Variants in SLIT3 observed in about 807,000 individuals in gnomAD.
SLIT3 encodes the protein slit homolog 3 protein.
Under a neutral mutation model 184.0 loss-of-function variants are expected in SLIT3, and 68 were observed. The observed-to-expected ratio is 0.37, with a 90% CI of 0.30 to 0.45. SLIT3 has a LOEUF of 0.45. Ranked by LOEUF, SLIT3 falls within the 20% of genes least tolerant of loss-of-function variation. The pLI is 1.00. For synonymous variants in SLIT3, 831 were observed against 828.6 expected, an observed-to-expected ratio of 1.00 and a Z score of -0.05; for missense variants, 1,707 against 2,026.0, an observed-to-expected ratio of 0.84 and a Z score of 3.02.
At chr5:168,890,753 G>A (rs1760424629) in intron 4 of SLIT3, among the ~76,000 whole-genome samples, 1 of 152,188 alleles carries the variant, frequency 6.6e-6, no homozygotes, top group African/African-American at 2.4e-5. Context: ...ATAAGTACAA[G>A]GGAGTTTCAT....
intron 32 of SLIT3, among the ~76,000 whole-genome samples, chr5:168,676,052 A>G (rs1761399707): frequency 6.6e-6 from 1 of 150,826 alleles, no homozygotes; most frequent in Admixed American, 6.6e-5. Flanking sequence ...TACCCTCTTC[A>G]TCCATTCATC....
intron 4 of SLIT3, among the ~76,000 whole-genome samples, chr5:169,153,004 CA>C (rs1203409829): frequency 6.6e-6 from 1 of 152,228 alleles, no homozygotes; most frequent in African/African-American, 2.4e-5. Flanking sequence ...AGGTTAAAAG[CA>C]TTCTAAAAAT....
Position 168,662,165 on chromosome 5 carries a change from T to C in SLIT3, c.*4289A>G, listed in dbSNP as rs1431276904. The C allele has an allele frequency of 6.6e-6, 1 of 152,234 alleles. No homozygotes were observed. The highest frequency in any genetic ancestry group is 1.5e-5 in the Non-Finnish European group (1 of 68,056). 9.4% of individuals were successfully genotyped at this position (152,234 alleles called of 1,614,324 possible). On this transcript the variant is annotated 3_prime_UTR_variant, in exon 36 of 36. Transcript: ENST00000519560. ...TTTGGCCTGGGTGGACACATGGGGT[T>C]AATTATCTGTGTGTCTTTGGTCTAT...
At chr5:169,189,647 C>A (rs1472952570) in intron 4 of SLIT3, among the ~76,000 whole-genome samples, 2 of 146,774 alleles carry the variant, frequency 1.4e-5, no homozygotes. Flanking sequence ...GAGGCTTAGG[C>A]AGGGAACTCC....
At chr5:168,749,978 T>A (rs919638550) in intron 18 of SLIT3, among the ~76,000 whole-genome samples, 3 of 152,174 alleles carry the variant, frequency 2.0e-5, no homozygotes, top group Non-Finnish European at 2.9e-5. Flanking sequence ...CTTCTTCTCA[T>A]TCTTTAGTCC....
At chr5:169,232,345 C>T (rs1765035061) in intron 3 of SLIT3, among the ~76,000 whole-genome samples, 1 of 152,120 alleles carries the variant, frequency 6.6e-6, no homozygotes, top group Non-Finnish European at 1.5e-5. Flanking sequence ...CTGCCTCAGC[C>T]TCCCAAGTAG....
chr5:168,981,444 A>T (rs895472782), intron 4 of SLIT3, among the ~76,000 whole-genome samples: 19 of 152,150 alleles, frequency 1.2e-4, no homozygotes, highest in Non-Finnish European at 5.9e-5. Flanking sequence ...CCTCTTCCTA[A>T]GCAGTAGCAC....
At chr5:169,129,832 TTG>T (rs1761231432) in intron 4 of SLIT3, among the ~76,000 whole-genome samples, 1 of 144,608 alleles carries the variant, frequency 6.9e-6, no homozygotes, top group African/African-American at 2.5e-5. Flanking sequence ...TTTTTTTTGT[TTG>T]TTTGTTTGTT....
chr5:168,737,072 G>A (rs6890724), intron 20 of SLIT3, among the ~76,000 whole-genome samples: 81,506 of 151,880 alleles, frequency 0.54, 22,298 homozygotes, highest in East Asian at 0.77. Flanking sequence ...TGTAGCATAG[G>A]CAGGACATTC....
intron 4 of SLIT3, among the ~76,000 whole-genome samples, chr5:168,911,095 CCT>C (rs1411090002): frequency 1.3e-5 from 2 of 152,148 alleles, no homozygotes; most frequent in Non-Finnish European, 2.9e-5. Flanking sequence ...ATGCCAGCCT[CCT>C]CTCTCTGCCT....
At chr5:168,733,054 T>C (rs1444387009) in intron 20 of SLIT3, among the ~76,000 whole-genome samples, 1 of 151,758 alleles carries the variant, frequency 6.6e-6, no homozygotes, top group East Asian at 1.9e-4. Flanking sequence ...TTTTAAACTA[T>C]GCCTAAACAA....
At chr5:169,243,461 T>G (rs1231234712) in intron 3 of SLIT3, among the ~76,000 whole-genome samples, 1 of 152,132 alleles carries the variant, frequency 6.6e-6, no homozygotes, top group Admixed American at 6.5e-5. Context: ...TTGCAAGAAA[T>G]AAATGTCATA....
intron 4 of SLIT3, among the ~76,000 whole-genome samples, chr5:168,981,644 C>T (rs1581266105): frequency 6.6e-6 from 1 of 152,290 alleles, no homozygotes; most frequent in East Asian, 1.9e-4. Flanking sequence ...TGCCCCCATC[C>T]CTCCTGCCCT....
At chr5:169,247,847 C>A (rs1196148071) in intron 2 of SLIT3, among the ~76,000 whole-genome samples, 1 of 152,116 alleles carries the variant, frequency 6.6e-6, no homozygotes, top group Non-Finnish European at 1.5e-5. Context: ...TGGTCTTGAA[C>A]TCCTGAGCTC....
chr5:168,792,943 T>TA, intron 10 of SLIT3, among the ~76,000 whole-genome samples: 1 of 152,208 alleles, frequency 6.6e-6, no homozygotes. Context: ...ACAAAATTAT[T>TA]AAAAACTTTG....
chr5:169,298,961 G>A (rs1350061697), intron 1 of SLIT3, among the ~76,000 whole-genome samples: 2 of 152,288 alleles, frequency 1.3e-5, no homozygotes, highest in African/African-American at 4.8e-5. Context: ...ACGAGGAGGG[G>A]AACTTAGTTT....
intron 4 of SLIT3, among the ~76,000 whole-genome samples, chr5:169,176,391 C>T (rs1040776941): frequency 3.9e-5 from 6 of 152,142 alleles, no homozygotes; most frequent in Admixed American, 1.3e-4. Flanking sequence ...TTCAGAGTCT[C>T]GATTTTCTCT....
chr5:169,228,161 G>T (rs2113545853), intron 3 of SLIT3, among the ~76,000 whole-genome samples: 1 of 152,234 alleles, frequency 6.6e-6, no homozygotes, highest in East Asian at 1.9e-4. Flanking sequence ...AACAGTACAA[G>T]AACCAATCAC....
At chr5:169,283,428 C>T (rs960041914) in intron 1 of SLIT3, among the ~76,000 whole-genome samples, 1 of 152,108 alleles carries the variant, frequency 6.6e-6, no homozygotes, top group African/African-American at 2.4e-5. Context: ...GTCAAGATTC[C>T]AGTTCCAGAA....
Sources: gnomAD v4.1 joint callset for allele counts (sites outside exome capture counted in the v4.1 genomes callset) on GRCh38, gnomAD v4.1.1 for gene constraint, MANE v1.5 for transcripts, NCBI Gene and HGNC (gene_info 2026-07-23, HGNC 2026-07-21) for gene names.